Variants in UBAP2L observed in about 807,000 individuals in gnomAD.
UBAP2L encodes the protein ubiquitin-associated protein 2-like.
UBAP2L carries 12 observed loss-of-function variants against 130.6 expected under a neutral mutation model. That is an observed-to-expected ratio of 0.09 (90% confidence interval 0.06 to 0.15). UBAP2L has a LOEUF of 0.15. Among genes scored for constraint, UBAP2L ranks in the 10% least tolerant of loss-of-function variants. The pLI, the probability that UBAP2L is intolerant of heterozygous loss-of-function variation, is 1.00. For synonymous variants in UBAP2L, 503 were observed against 524.7 expected (o/e 0.96, Z 0.57); for missense variants, 965 against 1,332.5 (o/e 0.72, Z 4.29).
At chr1:154,258,310 A>G (rs1192692604) in intron 20 of UBAP2L, among the ~76,000 whole-genome samples, 3 of 152,160 alleles carry the variant, frequency 2.0e-5, no homozygotes, top group Non-Finnish European at 2.9e-5. Context: ...TTAAATCCCT[A>G]ACTCTGAGTG....
chr1:154,221,850 C>A (rs1241731519), intron 1 of UBAP2L, among the ~76,000 whole-genome samples: 1 of 152,158 alleles, frequency 6.6e-6, no homozygotes, highest in Non-Finnish European at 1.5e-5. Flanking sequence ...ACATGGAGGC[C>A]CCCATAGGGT....
At chr1:154,252,789 A>G (rs1454339968) in intron 14 of UBAP2L, among the ~76,000 whole-genome samples, 1 of 151,980 alleles carries the variant, frequency 6.6e-6, no homozygotes, top group Non-Finnish European at 1.5e-5. Context: ...GAACTCCTGA[A>G]TGGAGATGAT....
intron 21 of UBAP2L, 45 bp downstream of exon 21, chr1:154,259,075 A>G: frequency 6.5e-7 from 1 of 1,548,574 alleles, no homozygotes; most frequent in South Asian, 1.1e-5. Flanking sequence ...TAGTCTTAAA[A>G]TTAGTGTTGG....
intron 24 of UBAP2L, chr1:154,263,339 C>T (rs564745066): frequency 2.8e-6 from 4 of 1,423,922 alleles, no homozygotes; most frequent in South Asian, 1.6e-5. Context: ...CCCTCTCCCC[C>T]ATGTGTCTGA....
chr1:154,248,748 G>A (rs7517578), intron 11 of UBAP2L, among the ~76,000 whole-genome samples: 64,078 of 151,612 alleles, frequency 0.42, 14,123 homozygotes, highest in South Asian at 0.63. Flanking sequence ...CCTGGGAGGC[G>A]GAGCTTGCAG....
At chr1:154,251,421 T>C in intron 13 of UBAP2L, 60 bp from the exon 14 acceptor site, 2 of 1,578,430 alleles carry the variant, frequency 1.3e-6, no homozygotes, top group Non-Finnish European at 1.7e-6. Context: ...AAGGGTTTTT[T>C]TTAGTCTTTA....
At chr1:154,268,614 A>T in intron 25 of UBAP2L, 143 bp from the exon 26 acceptor site, 1 of 754,736 alleles carries the variant, frequency 1.3e-6, no homozygotes, top group Non-Finnish European at 2.2e-6. Flanking sequence ...TGAGACTGAG[A>T]CCTGAATATG....
At chr1:154,268,673 G>C in intron 25 of UBAP2L, 84 bp from the exon 26 acceptor site, 1 of 1,379,184 alleles carries the variant, frequency 7.3e-7, no homozygotes, top group East Asian at 2.3e-5. Flanking sequence ...GCTTTCTGAG[G>C]GTCAGGGAGC....
At chr1:154,263,239 G>T in intron 24 of UBAP2L, 1 of 1,543,208 alleles carries the variant, frequency 6.5e-7, no homozygotes, top group Non-Finnish European at 8.7e-7. Context: ...ACTGAGGAGA[G>T]CCTGCTGAGC....
chr1:154,251,973 C>CA (rs1173067692), intron 14 of UBAP2L, among the ~76,000 whole-genome samples: 6 of 151,718 alleles, frequency 4.0e-5, no homozygotes, highest in African/African-American at 1.2e-4. Context: ...CCTGTCTCTA[C>CA]AAAAAAAATT....
intron 11 of UBAP2L, among the ~76,000 whole-genome samples, chr1:154,248,458 G>A (rs1457310442): frequency 6.6e-6 from 1 of 152,086 alleles, no homozygotes; most frequent in East Asian, 1.9e-4. Context: ...TTAATGAGAA[G>A]GGCAAGGACC....
chr1:154,234,197 T>C (rs1043441717), intron 4 of UBAP2L, among the ~76,000 whole-genome samples: 4 of 152,012 alleles, frequency 2.6e-5, no homozygotes, highest in African/African-American at 9.7e-5. Flanking sequence ...ACCCTGTCTT[T>C]ACTAAAAATA....
chr1:154,228,779 A>G, intron 4 of UBAP2L, 54 bp downstream of exon 4: 4 of 1,385,718 alleles, frequency 2.9e-6, no homozygotes, highest in Non-Finnish European at 4.0e-6. Context: ...GGAGGCTAGT[A>G]ATGTTCTAAA....
chr1:154,242,692 A>G (rs1415110918), intron 9 of UBAP2L, among the ~76,000 whole-genome samples: 3 of 152,194 alleles, frequency 2.0e-5, no homozygotes, highest in South Asian at 2.1e-4. Context: ...GTCAAATATT[A>G]AGGCAAAAAT....
chr1:154,256,513 C>T (rs920603667), intron 18 of UBAP2L, among the ~76,000 whole-genome samples: 3 of 152,040 alleles, frequency 2.0e-5, no homozygotes, highest in East Asian at 1.9e-4. Flanking sequence ...GTGGTACATT[C>T]GTAGAGTCCT....
intron 10 of UBAP2L, among the ~76,000 whole-genome samples, chr1:154,244,792 A>G (rs1674803503): frequency 6.6e-6 from 1 of 152,080 alleles, no homozygotes; most frequent in African/African-American, 2.4e-5. Flanking sequence ...AAGCTCTCCA[A>G]ATCTTATTGT....
rs1684141121 is a variant in UBAP2L at position 154,269,034 on chromosome 1, C to A, written c.3168+80C>A. ...AACTGCCTTCCCTTTCCTTTTCTTA[C>A]CCTTCCTCACCACCACCTTCACCCA... is the stretch of plus-strand genomic sequence containing the variant. On this transcript the variant is annotated intron_variant, in intron 26 of 26. Transcript: ENST00000428931. 7 of 1,503,298 alleles carry A rather than the reference C, an allele frequency of 4.7e-6. No homozygotes were observed. The African/African-American group carries it at 9.7e-5, about 21-fold the overall frequency. The allele number at this position is 1,503,298 out of a possible 1,614,324, so 93.1% of individuals were successfully genotyped here.
At chr1:154,253,796 G>T (rs2148921606) in intron 14 of UBAP2L, 104 bp from the exon 15 acceptor site, 2 of 1,207,598 alleles carry the variant, frequency 1.7e-6, no homozygotes, top group Non-Finnish European at 2.3e-6. Context: ...ATTTCTTCTT[G>T]ATTCAAATCA....
intron 10 of UBAP2L, among the ~76,000 whole-genome samples, chr1:154,245,341 A>C (rs1002890778): frequency 3.3e-5 from 5 of 152,186 alleles, no homozygotes; most frequent in Non-Finnish European, 7.3e-5. Flanking sequence ...AACAAAGGAC[A>C]CTATCACTTA....
Sources: allele counts gnomAD v4.1 joint callset (sites outside exome capture counted in the v4.1 genomes callset), GRCh38; gene constraint gnomAD v4.1.1; transcripts MANE v1.5; gene names NCBI Gene and HGNC (gene_info 2026-07-23, HGNC 2026-07-21).